Variants in TPP2 observed in about 807,000 individuals in gnomAD.
The protein encoded by TPP2 is tripeptidyl-peptidase 2.
Under a neutral mutation model 155.9 loss-of-function variants are expected in TPP2, and 34 were observed. The ratio of observed to expected loss-of-function variants is 0.22; its 90% CI spans 0.17 to 0.29. The LOEUF is 0.29. Among genes scored for constraint, TPP2 ranks in the 10% least tolerant of loss-of-function variants. TPP2 has a pLI of 1.00. For missense variants in TPP2, 1,028 were observed against 1,522.3 expected (o/e 0.68, Z 5.40); for synonymous variants, 510 against 529.4 (o/e 0.96, Z 0.50).
intron 2 of TPP2, among the ~76,000 whole-genome samples, chr13:102,609,792 A>G (rs571169061): frequency 6.6e-6 from 1 of 152,160 alleles, no homozygotes; most frequent in East Asian, 1.9e-4. Flanking sequence ...ACCTCCCACC[A>G]CATCCCTCCC....
At chr13:102,677,628 A>G (rs997180464) in intron 29 of TPP2, among the ~76,000 whole-genome samples, 11 of 152,312 alleles carry the variant, frequency 7.2e-5, no homozygotes, top group African/African-American at 2.6e-4. Flanking sequence ...CTCTGGCTGG[A>G]TGGAATGTCT....
chr13:102,656,816 GTTC>G (rs1883888454), intron 24 of TPP2, among the ~76,000 whole-genome samples: 1 of 152,108 alleles, frequency 6.6e-6, no homozygotes, highest in African/African-American at 2.4e-5. Flanking sequence ...AGAAAAGTAT[GTTC>G]TTATCTCTTT....
At chr13:102,667,837 C>T in intron 27 of TPP2, 1 of 985,546 alleles carries the variant, frequency 1.0e-6, no homozygotes, top group Non-Finnish European at 1.2e-6. Context: ...CGAGTCTGCC[C>T]TGCAGACTCT....
chr13:102,604,708 C>G, intron 1 of TPP2, 85 bp from the exon 2 acceptor site: 1 of 1,394,960 alleles, frequency 7.2e-7, no homozygotes, highest in African/African-American at 1.5e-5. Context: ...TTTGTATATA[C>G]ACACACATAT....
chr13:102,597,661 C>T (rs543838086), intron 1 of TPP2, among the ~76,000 whole-genome samples: 2 of 152,124 alleles, frequency 1.3e-5, no homozygotes, highest in African/African-American at 4.8e-5. Context: ...GAGAATTTTA[C>T]AGCTTTTATC....
At chr13:102,603,283 A>T (rs1327405773) in intron 1 of TPP2, among the ~76,000 whole-genome samples, 2 of 152,222 alleles carry the variant, frequency 1.3e-5, no homozygotes, top group Non-Finnish European at 2.9e-5. Flanking sequence ...TCTTGCCTTC[A>T]TGGAGCTTTC....
chr13:102,651,293 G>A (rs1475150494), intron 23 of TPP2, 66 bp from the exon 24 acceptor site: 5 of 1,521,720 alleles, frequency 3.3e-6, no homozygotes, highest in Non-Finnish European at 4.4e-6. Context: ...CAATTAGACA[G>A]AGGTTCTGTC....
At chr13:102,631,603 G>A (rs867228515) in intron 10 of TPP2, 5 of 152,166 alleles carry the variant, frequency 3.3e-5, no homozygotes, top group Admixed American at 1.3e-4. Flanking sequence ...GTTTAAACCA[G>A]CCTTTGCCGA....
intron 2 of TPP2, among the ~76,000 whole-genome samples, chr13:102,607,047 C>T (rs1348133573): frequency 6.6e-6 from 1 of 152,202 alleles, no homozygotes; most frequent in African/African-American, 2.4e-5. Context: ...CAAGCTCTTT[C>T]TAGGGCATAT....
chr13:102,665,007 A>G (rs1884496032), intron 27 of TPP2, 82 bp downstream of exon 27: 6 of 1,519,152 alleles, frequency 3.9e-6, no homozygotes. Context: ...ATTATAGAGG[A>G]TATTGCTTTT....
intron 25 of TPP2, among the ~76,000 whole-genome samples, chr13:102,661,599 A>T (rs183400338): frequency 3.7e-4 from 56 of 152,344 alleles, no homozygotes; most frequent in Admixed American, 1.0e-3. Flanking sequence ...CAAATGGCTC[A>T]ATTTTTTAAA....
chr13:102,648,805 T>A, intron 21 of TPP2, 102 bp from the exon 22 acceptor site: 1 of 1,426,564 alleles, frequency 7.0e-7, no homozygotes. Context: ...TCACATATTA[T>A]GAACAAGTCT....
At chr13:102,637,301 A>C (rs909351122) in intron 14 of TPP2, 62 bp downstream of exon 14, 8 of 1,527,620 alleles carry the variant, frequency 5.2e-6, no homozygotes, top group Non-Finnish European at 6.1e-6. Flanking sequence ...GGTTAAAAAA[A>C]AATCCAAAGT....
In TPP2 at chr13:102,678,244, A is replaced by T; in HGVS notation, c.3717A>T (p.Gly1239=). 1 of 1,613,408 alleles carries T rather than the reference A, an allele frequency of 6.2e-7. No individual in the cohort carries two copies. The highest frequency in any genetic ancestry group is 8.5e-7 in the Non-Finnish European group (1 of 1,179,636). Residue 1239 remains glycine (G), a synonymous_variant, in exon 30 of 30, where the codon GGA becomes GGT. Coordinates refer to ENST00000376052, the MANE Select transcript of TPP2 (RefSeq NM_001330588.2). Reference sequence around the variant, plus strand: ...TGTTGTAGCTGATGAAGTTACTTGGATGGACCCATTGTGCATCTTTTACTG... The same window carrying T: ...TGTTGTAGCTGATGAAGTTACTTGGTTGGACCCATTGTGCATCTTTTACTG... ...KNCIQLMKLL[G]WTHCASFTEN...
chr13:102,623,329 C>T (rs1158560578), intron 6 of TPP2, among the ~76,000 whole-genome samples: 5 of 152,110 alleles, frequency 3.3e-5, no homozygotes, highest in African/African-American at 7.2e-5. Flanking sequence ...CTTGGGAGGC[C>T]GAGGTGTGTG....
At chr13:102,647,451 T>A (rs959561325) in intron 21 of TPP2, 107 bp downstream of exon 21, 4 of 1,389,216 alleles carry the variant, frequency 2.9e-6, no homozygotes, top group Admixed American at 2.8e-5. Flanking sequence ...AAAACAAAAA[T>A]TATAGCTTTG....
intron 15 of TPP2, among the ~76,000 whole-genome samples, chr13:102,639,083 C>T (rs752678230): frequency 1.3e-5 from 2 of 152,202 alleles, no homozygotes; most frequent in Non-Finnish European, 2.9e-5. Flanking sequence ...TGAAGGGAGT[C>T]CCTTCTTTCT....
In TPP2 at chr13:102,644,916, C is replaced by G; in HGVS notation, c.2300C>G (p.Ser767Trp). 3 of 1,613,524 alleles carry G rather than the reference C, an allele frequency of 1.9e-6. No individual in the cohort carries two copies. Among genetic ancestry groups the G allele is most frequent in the Non-Finnish European group, 2.5e-6 (3 of 1,179,744 alleles). Residue 767 changes from serine to tryptophan, a missense_variant, in exon 19 of 30, where the codon TCG becomes TGG. By Grantham distance (177) the Ser-to-Trp change is radical. Transcript: ENST00000376052. ...CTAPQLNIHASEGINRFDVQS... is the reference protein window; with the variant it reads ...CTAPQLNIHAWEGINRFDVQS... ...TTGAGAAATCCTTTGTAGCATGCATCGGAAGGAATCAACCGCTTTGATGTT... is the reference window on the plus strand; with the variant it reads ...TTGAGAAATCCTTTGTAGCATGCATGGGAAGGAATCAACCGCTTTGATGTT...
chr13:102,660,812 C>A (rs961206182), intron 25 of TPP2, among the ~76,000 whole-genome samples: 4 of 152,128 alleles, frequency 2.6e-5, no homozygotes, highest in African/African-American at 9.7e-5. Context: ...AATTAAGAGT[C>A]CAGAAATAAA....
Sources: allele counts gnomAD v4.1 joint callset (sites outside exome capture counted in the v4.1 genomes callset), GRCh38; gene constraint gnomAD v4.1.1; transcripts MANE v1.5; gene names NCBI Gene and HGNC (gene_info 2026-07-23, HGNC 2026-07-21).